The following ACACA variants were observed in gnomAD, a reference collection of about 807,000 sequenced individuals.
ACACA encodes acetyl-CoA carboxylase alpha, also known as acetyl-CoA carboxylase 1.
Under a neutral mutation model 296.1 loss-of-function variants are expected in ACACA, and 103 were observed. The ratio of observed to expected loss-of-function variants is 0.35; its 90% CI spans 0.30 to 0.41. ACACA has a LOEUF of 0.41. Ranked by LOEUF, ACACA falls within the 10% of genes least tolerant of loss-of-function variation. The pLI, the probability that ACACA is intolerant of heterozygous loss-of-function variation, is 1.00. For missense variants in ACACA, 1,554 were observed against 2,989.7 expected (o/e 0.52, Z 11.20); for synonymous variants, 953 against 1,038.6 (o/e 0.92, Z 1.58).
At chr17:37,353,565 G>A (rs973908624) in intron 1 of ACACA, among the ~76,000 whole-genome samples, 1 of 140,974 alleles carries the variant, frequency 7.1e-6, no homozygotes, top group South Asian at 2.2e-4. Context: ...CTTGAACCCA[G>A]GAGAAGGAGG....
chr17:37,259,312 G>A (rs781076779), intron 12 of ACACA, 48 bp downstream of exon 12: 2 of 1,609,340 alleles, frequency 1.2e-6, no homozygotes, highest in Non-Finnish European at 1.7e-6. Flanking sequence ...CATTTTTCAG[G>A]CCTCTCTGAC....
intron 45 of ACACA, among the ~76,000 whole-genome samples, chr17:37,139,562 A>G (rs182849484): frequency 4.8e-4 from 73 of 152,318 alleles, no homozygotes; most frequent in African/African-American, 1.5e-3. Flanking sequence ...CTTAGGCCCA[A>G]TGAGTTTTAG....
chr17:37,300,534 A>G (rs768684575), intron 3 of ACACA, among the ~76,000 whole-genome samples: 2 of 152,226 alleles, frequency 1.3e-5, no homozygotes, highest in African/African-American at 2.4e-5. Context: ...AATAGTTAAC[A>G]ATCTGATGCC....
chr17:37,359,812 C>T (rs1377161099), intron 1 of ACACA, among the ~76,000 whole-genome samples: 1 of 152,042 alleles, frequency 6.6e-6, no homozygotes, highest in East Asian at 1.9e-4. Flanking sequence ...CCATAACCAG[C>T]CCCCCGTTTC....
intron 50 of ACACA, among the ~76,000 whole-genome samples, chr17:37,118,305 G>A (rs1040676587): frequency 3.9e-5 from 6 of 152,228 alleles, no homozygotes; most frequent in Admixed American, 6.5e-5. Context: ...TAGAGTTTAT[G>A]TTGAGGATGA....
In ACACA at chr17:37,263,864, A is replaced by G. The variant is rs749816431; in HGVS notation, c.1150T>C (p.Phe384Leu). Reference sequence around the variant, plus strand: ...GATTGTTTGGCTAGTCTCATCACAAATATGGGAGATCCAGGAACTTCAGCT... The same window carrying G: ...GATTGTTTGGCTAGTCTCATCACAAGTATGGGAGATCCAGGAACTTCAGCT... ...VQAEVPGSPI[F>L]VMRLAKQSRH... Residue 384 changes from phenylalanine (F) to leucine (L), a missense_variant, in exon 11 of 56, where the codon TTT becomes CTT. Phe to Leu is a conservative substitution (Grantham distance 22). Coordinates refer to ENST00000616317, the MANE Select transcript of ACACA (RefSeq NM_198834.3). The G allele has an allele frequency of 6.2e-7, 1 of 1,614,088 alleles. No homozygotes were observed. Among genetic ancestry groups the G allele is most frequent in the Non-Finnish European group, 8.5e-7 (1 of 1,180,000 alleles).
At chr17:37,106,340 C>A (rs928607764) in intron 52 of ACACA, among the ~76,000 whole-genome samples, 5 of 152,100 alleles carry the variant, frequency 3.3e-5, no homozygotes, top group African/African-American at 1.2e-4. Flanking sequence ...GGAATAATTT[C>A]TCCCAATGTA....
intron 1 of ACACA, among the ~76,000 whole-genome samples, chr17:37,378,645 G>A (rs528371626): frequency 5.3e-5 from 8 of 152,320 alleles, no homozygotes; most frequent in African/African-American, 1.7e-4. Context: ...CCAGAGAGGC[G>A]GAGGTTGCAG....
chr17:37,251,507 C>T (rs1191805339), intron 16 of ACACA, among the ~76,000 whole-genome samples: 1 of 152,164 alleles, frequency 6.6e-6, no homozygotes, highest in Non-Finnish European at 1.5e-5. Flanking sequence ...TCTGGGGACT[C>T]AAAGGCAGAG....
At chr17:37,390,334 A>ATATAT (rs2050822111) in intron 1 of ACACA, among the ~76,000 whole-genome samples, 49 of 93,382 alleles carry the variant, frequency 5.2e-4, no homozygotes, top group South Asian at 9.3e-4. Context: ...ATATATATAT[A>ATATAT]AAAGGCCAGC....
At chr17:37,270,049 C>T (rs746710131) in intron 10 of ACACA, among the ~76,000 whole-genome samples, 3 of 152,190 alleles carry the variant, frequency 2.0e-5, no homozygotes, top group Admixed American at 6.5e-5. Context: ...CTTCTTTGGT[C>T]GTCTCCGCAA....
At chr17:37,335,838 C>T (rs1004640715) in intron 2 of ACACA, among the ~76,000 whole-genome samples, 2 of 152,172 alleles carry the variant, frequency 1.3e-5, no homozygotes, top group African/African-American at 4.8e-5. Flanking sequence ...ACTTGCTAAC[C>T]GCGGAAAGCG....
At chr17:37,255,712 A>C (rs1011588249) in intron 14 of ACACA, among the ~76,000 whole-genome samples, 2 of 152,174 alleles carry the variant, frequency 1.3e-5, no homozygotes, top group African/African-American at 4.8e-5. Context: ...GAAAAGAAGC[A>C]GTCACACAAA....
At chr17:37,241,512 C>T (rs1271109223) in intron 23 of ACACA, among the ~76,000 whole-genome samples, 1 of 152,020 alleles carries the variant, frequency 6.6e-6, no homozygotes, top group Non-Finnish European at 1.5e-5. Context: ...TGAGATGAGC[C>T]TGGGCAACAT....
chr17:37,110,914 C>T (rs972643373), intron 52 of ACACA, among the ~76,000 whole-genome samples: 7 of 152,188 alleles, frequency 4.6e-5, no homozygotes, highest in Non-Finnish European at 1.0e-4. Context: ...GGACTCAACA[C>T]AGGACTCCCA....
Position 37,097,962 on chromosome 17 carries a change from A to T in ACACA, c.6588T>A (p.Ala2196=). The T allele has an allele frequency of 6.2e-7, 1 of 1,614,184 alleles. No homozygotes were observed. The highest frequency in any genetic ancestry group is 1.1e-5 in the South Asian group (1 of 91,090). ...ERLGTPELST[A]ERKELENKLK... The stretch of plus-strand genomic sequence containing the variant: ...ACTTGTTCTCCAACTCCTTCCGCTC[A>T]GCTGTGCTTAGCTCTGGGGTCCCTG... Residue 2196 remains alanine (A), a synonymous_variant, in exon 53 of 56, where the codon GCT becomes GCA. Coordinates refer to ENST00000616317, the MANE Select transcript of ACACA (RefSeq NM_198834.3). This position sits in a 1 kb window ranked among gnomAD's most constrained non-coding sequence, Gnocchi z 4.8.
At chr17:37,363,873 A>G (rs2049509372) in intron 1 of ACACA, among the ~76,000 whole-genome samples, 1 of 152,146 alleles carries the variant, frequency 6.6e-6, no homozygotes, top group South Asian at 2.1e-4. Flanking sequence ...CTGTAAACCC[A>G]GCACTTCGGG....
intron 1 of ACACA, chr17:37,389,361 A>C: frequency 6.3e-7 from 1 of 1,577,202 alleles, no homozygotes; most frequent in Non-Finnish European, 8.6e-7. Flanking sequence ...CAGCCCCAGA[A>C]GGAAAGTGTT....
intron 3 of ACACA, among the ~76,000 whole-genome samples, chr17:37,307,026 C>T (rs767775148): frequency 6.6e-6 from 1 of 152,054 alleles, no homozygotes; most frequent in Admixed American, 6.6e-5. Context: ...TCTATGCTTA[C>T]CACTTGGTCG....
Sources: allele counts gnomAD v4.1 joint callset (sites outside exome capture counted in the v4.1 genomes callset), GRCh38; gene constraint gnomAD v4.1.1; non-coding constraint Gnocchi (gnomAD v3.1); transcripts MANE v1.5; gene names NCBI Gene and HGNC (gene_info 2026-07-23, HGNC 2026-07-21).